PDE1A: variants seen among roughly 807,000 people sequenced by gnomAD.
PDE1A encodes the protein phosphodiesterase 1A.
A neutral mutation model predicts 61.7 loss-of-function variants in PDE1A; 35 were observed. The ratio of observed to expected loss-of-function variants is 0.57; its 90% confidence interval spans 0.43 to 0.75. The LOEUF is 0.75. Ranked by LOEUF, PDE1A falls within the 30% of genes least tolerant of loss-of-function variation. PDE1A has a pLI of 0.00. For synonymous variants in PDE1A, 232 were observed against 213.2 expected, an observed-to-expected ratio of 1.09 and a Z score of -0.77; for missense variants, 597 against 630.6, an observed-to-expected ratio of 0.95 and a Z score of 0.57.
chr2:182,215,643 C>T (rs1188682989), intron 7 of PDE1A, among the ~76,000 whole-genome samples: 12 of 130,252 alleles, frequency 9.2e-5, no homozygotes, highest in African/African-American at 3.0e-4. Flanking sequence ...AACACCTCTA[C>T]GCAAATAAAC....
At chr2:182,306,907 T>G (rs918863396) in intron 1 of PDE1A, among the ~76,000 whole-genome samples, 1 of 152,118 alleles carries the variant, frequency 6.6e-6, no homozygotes. Context: ...TTTTTAGATA[T>G]GACCCCAAAA....
chr2:182,226,643 A>G (rs1428091239), intron 6 of PDE1A, among the ~76,000 whole-genome samples: 1 of 149,828 alleles, frequency 6.7e-6, no homozygotes, highest in Non-Finnish European at 1.5e-5. Context: ...CAAGCCAGAG[A>G]GAACGAGGTT....
At chr2:182,363,200 C>T (rs1221306698) in intron 1 of PDE1A, among the ~76,000 whole-genome samples, 1 of 151,754 alleles carries the variant, frequency 6.6e-6, no homozygotes, top group Non-Finnish European at 1.5e-5. Flanking sequence ...GCTCATGTAC[C>T]CCTGAACCTG....
intron 1 of PDE1A, among the ~76,000 whole-genome samples, chr2:182,408,510 G>A (rs1347839130): frequency 6.6e-6 from 1 of 152,160 alleles, no homozygotes; most frequent in Non-Finnish European, 1.5e-5. Context: ...CCTTAGCCAT[G>A]GCCCTGACCT....
chr2:182,304,574 A>G (rs1695457841), intron 1 of PDE1A, among the ~76,000 whole-genome samples: 2 of 152,190 alleles, frequency 1.3e-5, no homozygotes, highest in African/African-American at 4.8e-5. Context: ...TTAAAGTAGG[A>G]GACATCTGAC....
chr2:182,146,109 T>C (rs973141498), downstream of PDE1A, among the ~76,000 whole-genome samples: 1 of 152,210 alleles, frequency 6.6e-6, no homozygotes, highest in African/African-American at 2.4e-5. Flanking sequence ...TACACATCCC[T>C]CCTTTCTAAC....
At chr2:182,370,625 T>C (rs1700079483) in intron 1 of PDE1A, among the ~76,000 whole-genome samples, 2 of 152,186 alleles carry the variant, frequency 1.3e-5, no homozygotes, top group African/African-American at 2.4e-5. Flanking sequence ...CTGGTGAGAC[T>C]GCTGTTAGAT....
intron 7 of PDE1A, among the ~76,000 whole-genome samples, chr2:182,219,508 T>C (rs147113608): frequency 1.1e-4 from 16 of 152,210 alleles, no homozygotes; most frequent in African/African-American, 3.4e-4. Context: ...TTCATATAAG[T>C]TGGCAAGTTG....
intron 1 of PDE1A, among the ~76,000 whole-genome samples, chr2:182,420,866 A>G (rs1171721722): frequency 1.3e-5 from 2 of 152,192 alleles, no homozygotes; most frequent in South Asian, 4.1e-4. Flanking sequence ...AACTCAGGAA[A>G]TGTTGAATTT....
At chr2:182,387,601 T>G (rs1475136472) in intron 1 of PDE1A, among the ~76,000 whole-genome samples, 1 of 151,654 alleles carries the variant, frequency 6.6e-6, no homozygotes, top group Non-Finnish European at 1.5e-5. Context: ...CTACTAAAAA[T>G]ACAAAATTAG....
intron 2 of PDE1A, among the ~76,000 whole-genome samples, chr2:182,462,541 G>A (rs2125771386): frequency 6.6e-6 from 1 of 151,804 alleles, no homozygotes; most frequent in East Asian, 2.0e-4. Flanking sequence ...CATGAAGAAG[G>A]GAAAAAAAAG....
intron 1 of PDE1A, among the ~76,000 whole-genome samples, chr2:182,424,757 T>C (rs1430193889): frequency 1.3e-5 from 2 of 152,148 alleles, no homozygotes; most frequent in African/African-American, 4.8e-5. Context: ...TTTTCCCTAA[T>C]CACAATCATA....
chr2:182,224,860 C>G (rs1179134261), intron 6 of PDE1A, among the ~76,000 whole-genome samples: 1 of 151,884 alleles, frequency 6.6e-6, no homozygotes, highest in Non-Finnish European at 1.5e-5. Flanking sequence ...AGACACAAAA[C>G]ATTTCCATCA....
At chr2:182,535,968 T>C in the PDE1A span, among the ~76,000 whole-genome samples, 306 of 152,278 alleles carry the variant, frequency 2.0e-3, 3 homozygotes, top group Admixed American at 3.7e-3. Flanking sequence ...GAAGCATAAA[T>C]TTAGGCACAC....
chr2:182,686,671 G>A, the PDE1A span, among the ~76,000 whole-genome samples: 15 of 152,168 alleles, frequency 9.9e-5, no homozygotes, highest in Non-Finnish European at 1.0e-4. Flanking sequence ...GGGGCTTGTC[G>A]GACAGTGCAT....
At chr2:182,477,742 C>T (rs757720995) in intron 2 of PDE1A, among the ~76,000 whole-genome samples, 3 of 151,876 alleles carry the variant, frequency 2.0e-5, no homozygotes, top group Non-Finnish European at 2.9e-5. Context: ...AAACTGAATC[C>T]AAAGATGCAT....
At chr2:182,425,690 A>G (rs928918432) in intron 1 of PDE1A, among the ~76,000 whole-genome samples, 7 of 152,128 alleles carry the variant, frequency 4.6e-5, no homozygotes, top group African/African-American at 1.4e-4. Context: ...ACGTTTTATC[A>G]TCCTGTATTT....
At chr2:182,491,020 C>G (rs540351937) in intron 2 of PDE1A, among the ~76,000 whole-genome samples, 2 of 152,266 alleles carry the variant, frequency 1.3e-5, no homozygotes, top group African/African-American at 4.8e-5. Flanking sequence ...TTAAAATAAT[C>G]ATTCATGGTT....
At chr2:182,349,405 AAAT>A (rs1361724742) in intron 1 of PDE1A, among the ~76,000 whole-genome samples, 1 of 152,208 alleles carries the variant, frequency 6.6e-6, no homozygotes, top group Non-Finnish European at 1.5e-5. Context: ...CTACAACAAC[AAAT>A]TGAATGGAAA....
Sources: gnomAD v4.1 joint callset for allele counts (sites outside exome capture counted in the v4.1 genomes callset) on GRCh38, gnomAD v4.1.1 for gene constraint, MANE v1.5 for transcripts, NCBI Gene and HGNC (gene_info 2026-07-23, HGNC 2026-07-21) for gene names.